Variants in SORL1 observed in about 807,000 individuals in gnomAD.
SORL1 encodes sortilin-related receptor.
Under a neutral mutation model 273.7 loss-of-function variants are expected in SORL1, and 127 were observed. The ratio of observed to expected loss-of-function variants is 0.46; its 90% CI spans 0.40 to 0.54. The LOEUF (loss-of-function observed/expected upper bound fraction) is 0.54, where lower values mean the gene tolerates loss of function less well. Ranked by LOEUF, SORL1 falls within the 20% of genes least tolerant of loss-of-function variation. SORL1 has a pLI of 0.00. For missense variants in SORL1, 2,494 were observed against 2,846.1 expected, an observed-to-expected ratio of 0.88 and a Z score of 2.81; for synonymous variants, 1,031 against 1,067.4, an observed-to-expected ratio of 0.97 and a Z score of 0.66.
intron 11 of SORL1, among the ~76,000 whole-genome samples, chr11:121,523,455 G>T (rs549028664): frequency 1.3e-5 from 2 of 151,992 alleles, no homozygotes; most frequent in African/African-American, 4.8e-5. Context: ...AGGCACTTTC[G>T]TCTCACTCTG....
At position 121,559,723 on chromosome 11, in the gene SORL1, A is replaced by G. The variant is rs927400267; in HGVS notation, c.3049+66A>G. 1.7e-5 allele frequency: 25 copies of G among 1,500,860 alleles called. 1 individual carries two copies. The highest frequency in any genetic ancestry group is 2.0e-5 in the Non-Finnish European group (22 of 1,095,050). The allele number at this position is 1,500,860 out of a possible 1,614,324, so 93.0% of individuals were successfully genotyped here. On this transcript the variant is annotated intron_variant, in intron 21 of 47. Coordinates refer to ENST00000260197, the MANE Select transcript of SORL1 (RefSeq NM_003105.6). ...TCAAGAAAGGGGCTGCGTGTGGCCA[A>G]TCTCTGCTCAGAGTAGGAGCTGGCA...
rs1336081670 is a variant in SORL1, at chr11:121,629,934, G to A, written c.*371G>A. 1.8e-5 allele frequency: 4 copies of A among 224,612 alleles called. No individual in the cohort carries two copies. Among genetic ancestry groups the A allele is most frequent in the Middle Eastern group, 1.8e-3 (1 of 562 alleles). The allele number at this position is 224,612 out of a possible 1,614,324, so 13.9% of individuals were successfully genotyped here. On this transcript the variant is annotated 3_prime_UTR_variant, in exon 48 of 48. Coordinates refer to ENST00000260197, the MANE Select transcript of SORL1 (RefSeq NM_003105.6). ...AATAAAAACCTCGAGAGAGTGATGG[G>A]TGGAACCCCTTCTCCTTGAAAGTGT...
rs140692186 is a variant in SORL1 at position 121,530,306 on chromosome 11, C to A, written c.1597-2158C>A. On this transcript the variant is annotated intron_variant, in intron 11 of 47. Coordinates refer to ENST00000260197, the MANE Select transcript of SORL1 (RefSeq NM_003105.6). ...ATTTCCCTATAGCCTAAAGAAATTC[C>A]TATAGCATTTCCTGTAGCGAGATCT... 3.8e-3 allele frequency among the ~76,000 whole-genome samples: 576 copies of A among 152,312 alleles called. 1 individual carries two copies. Among genetic ancestry groups the A allele is most frequent in the African/African-American group, 0.013 (551 of 41,562 alleles).
At position 121,514,278 on chromosome 11, in the gene SORL1, C is replaced by G; in HGVS notation, c.1168C>G (p.Leu390Val). Residue 390 changes from leucine to valine, a missense_variant, in exon 8 of 48, where the codon CTC becomes GTC. Transcript: ENST00000260197. ...GTTCTCCCTGTCCTTGGAGAACGTG[C>G]TCTATTACAGCCCAGGAGGGGCCGG... ...LKFSLSLENV[L>V]YYSPGGAGSD... 6.2e-7 allele frequency: 1 copy of G among 1,614,186 alleles called. No individual in the cohort carries two copies. The highest frequency in any genetic ancestry group is 8.5e-7 in the Non-Finnish European group (1 of 1,180,024).
At chr11:121,455,991 T>TA (rs35906996) in intron 1 of SORL1, among the ~76,000 whole-genome samples, 13,624 of 116,468 alleles carry the variant, frequency 0.12, 763 homozygotes, top group African/African-American at 0.16. Context: ...AGACTCCATC[T>TA]AAAAAAAAAA....
chr11:121,497,077 T>C, intron 6 of SORL1, 28 bp downstream of exon 6: 2 of 1,587,262 alleles, frequency 1.3e-6, no homozygotes, highest in Non-Finnish European at 1.7e-6. Flanking sequence ...AAGAATAAAC[T>C]ACTTTTGAGT....
intron 28 of SORL1, 80 bp from the exon 29 acceptor site, chr11:121,589,179 C>T: frequency 6.5e-7 from 1 of 1,536,228 alleles, no homozygotes; most frequent in Non-Finnish European, 9.0e-7. Flanking sequence ...GCTGTTCCCC[C>T]TTGCTTCTGG....
At chr11:121,464,979 T>C (rs142843190) in intron 1 of SORL1, among the ~76,000 whole-genome samples, 359 of 152,340 alleles carry the variant, frequency 2.4e-3, no homozygotes, top group Non-Finnish European at 3.9e-3. Context: ...TTGAGAAATA[T>C]AATGTTCTCT....
Position 121,630,848 on chromosome 11 carries a change from C to T in SORL1, c.*1285C>T, listed in dbSNP as rs1833027041. On this transcript the variant is annotated 3_prime_UTR_variant, in exon 48 of 48. Coordinates refer to ENST00000260197, the MANE Select transcript of SORL1 (RefSeq NM_003105.6). ...TAAAATGCCACCCGTGTATTCAAAC[C>T]ATGGCCACTTGATACTTATGTAGAA... 1 of 152,232 alleles carries T rather than the reference C, an allele frequency of 6.6e-6. No individual in the cohort carries two copies. The highest frequency in any genetic ancestry group is 1.5e-5 in the Non-Finnish European group (1 of 68,042). The allele number at this position is 152,232 out of a possible 1,614,324, so 9.4% of individuals were successfully genotyped here.
Position 121,627,216 on chromosome 11 carries a change from G to A in SORL1, c.6365-339G>A. Reference sequence around the variant, plus strand: ...TTTCACATCCTCTTATGTAAGGCAAGCAAGTGGTCTTAAGTAATAATGCTA... The same window carrying A: ...TTTCACATCCTCTTATGTAAGGCAAACAAGTGGTCTTAAGTAATAATGCTA... On this transcript the variant is annotated intron_variant, in intron 46 of 47. Transcript: ENST00000260197. The surrounding 1 kb of genome is among the most constrained non-coding windows in gnomAD (Gnocchi z 4.9). The A allele has an allele frequency of 7.7e-6, 2 of 259,720 alleles. No homozygotes were observed. The highest frequency in any genetic ancestry group is 1.5e-5 in the Non-Finnish European group (2 of 133,432). 16.1% of individuals were successfully genotyped at this position (259,720 alleles called of 1,614,324 possible).
intron 25 of SORL1, among the ~76,000 whole-genome samples, chr11:121,578,388 G>T (rs1026225174): frequency 6.6e-6 from 1 of 152,134 alleles, no homozygotes; most frequent in Non-Finnish European, 1.5e-5. Flanking sequence ...AACCTCCTCT[G>T]CCCCCAGAGT....
chr11:121,543,715 C>T lies in SORL1; in HGVS notation c.1853C>T (p.Thr618Met), dbSNP rs759881486. The change falls in exon 13 of 48, where the codon ACG becomes ATG. Residue 618 changes from threonine (T) to methionine (M), a missense_variant. By Grantham distance (81) the Thr-to-Met change is moderately conservative. This residue lies in a region of SORL1 where 710 missense variants were observed against 882.5 expected (regional missense o/e 0.80). Transcript: ENST00000260197. ...HSWLILQVNA[T>M]DALGVPCTEN... ...TGGCTGATCCTCCAGGTCAATGCCACGGATGCCTTGGGTAAGCTGCTGCCT... is the reference window on the plus strand; with the variant it reads ...TGGCTGATCCTCCAGGTCAATGCCATGGATGCCTTGGGTAAGCTGCTGCCT... The T allele has an allele frequency of 7.4e-6, 12 of 1,612,292 alleles. No homozygotes were observed. Among genetic ancestry groups the T allele is most frequent in the Admixed American group, 3.3e-5 (2 of 59,982 alleles).
At chr11:121,620,941 G>T in intron 43 of SORL1, 123 bp from the exon 44 acceptor site, 1 of 674,022 alleles carries the variant, frequency 1.5e-6, no homozygotes, top group Non-Finnish European at 2.5e-6. Context: ...CAGATTTCGG[G>T]ACTCAAACTC....
chr11:121,562,640 C>T (rs1862695125), intron 21 of SORL1, among the ~76,000 whole-genome samples: 1 of 152,036 alleles, frequency 6.6e-6, no homozygotes, highest in Admixed American at 6.6e-5. Flanking sequence ...CGCAAGGAAC[C>T]CTTATTTTAC....
chr11:121,519,108 C>T lies in SORL1; in HGVS notation c.1212-1549C>T, dbSNP rs1861996861. ...GACTACAGGCACGTGCCACCATGCC[C>T]AGCTAATTTTTGTATTATTAATAGA... On this transcript the variant is annotated intron_variant, in intron 8 of 47. Coordinates refer to ENST00000260197, the MANE Select transcript of SORL1 (RefSeq NM_003105.6). 4.6e-5 allele frequency among the ~76,000 whole-genome samples: 7 copies of T among 151,718 alleles called. No homozygotes were observed. The South Asian group carries it at 1.5e-3, about 32-fold the overall frequency.
intron 8 of SORL1, among the ~76,000 whole-genome samples, chr11:121,520,369 A>G (rs7112662): frequency 0.07 from 10,656 of 152,318 alleles, 456 homozygotes; most frequent in East Asian, 0.13. Flanking sequence ...TGCAGATTCC[A>G]TTTATATGAA....
chr11:121,566,630 TC>T, intron 21 of SORL1: 1 of 294,738 alleles, frequency 3.4e-6, no homozygotes, highest in Non-Finnish European at 6.4e-6. Flanking sequence ...TGTGACCCTT[TC>T]CCTGGCTCCA....
chr11:121,549,506 C>T (rs1470324974), intron 14 of SORL1, among the ~76,000 whole-genome samples: 5 of 152,154 alleles, frequency 3.3e-5, no homozygotes, highest in African/African-American at 7.2e-5. Flanking sequence ...GGATTACAGG[C>T]GTGAACCACC....
At chr11:121,600,715 C>A (rs1177829807) in intron 32 of SORL1, among the ~76,000 whole-genome samples, 1 of 152,094 alleles carries the variant, frequency 6.6e-6, no homozygotes, top group Non-Finnish European at 1.5e-5. Flanking sequence ...ATTTGATAAC[C>A]TTATCTAAAA....
Sources: gnomAD v4.1 joint callset for allele counts (sites outside exome capture counted in the v4.1 genomes callset) on GRCh38, gnomAD v4.1.1 for gene constraint, gnomAD v4.1.1 regional missense constraint, Gnocchi (gnomAD v3.1) non-coding constraint, MANE v1.5 for transcripts, NCBI Gene and HGNC (gene_info 2026-07-23, HGNC 2026-07-21) for gene names.